METAP1D: variants seen among roughly 807,000 people sequenced by gnomAD.
METAP1D encodes methionyl aminopeptidase type 1D, mitochondrial.
A neutral mutation model predicts 40.5 loss-of-function variants in METAP1D; 31 were observed. The ratio of observed to expected loss-of-function variants is 0.77; its 90% CI spans 0.58 to 1.03. The LOEUF (loss-of-function observed/expected upper bound fraction) is 1.03. METAP1D is among the 50% of genes least tolerant of loss of function. METAP1D has a pLI of 0.00. For missense variants in METAP1D, 411 were observed against 420.7 expected (o/e 0.98, Z 0.20); for synonymous variants, 151 against 146.4 (o/e 1.03, Z -0.22).
intron 3 of METAP1D, 150 bp from the exon 4 acceptor site, chr2:172,065,454 C>G: frequency 3.9e-6 from 3 of 771,992 alleles, no homozygotes; most frequent in Non-Finnish European, 6.1e-6. Flanking sequence ...GATTCTAACA[C>G]TAATCATAAT....
Position 172,063,872 on chromosome 2 carries a change from C to G in METAP1D, c.348+12C>G, listed in dbSNP as rs371678313. ...GGAAGAGTTTAAAGGTGGCGTCTCA[C>G]CAAGCCTCAGAACGACTTACATAAG... is the stretch of plus-strand genomic sequence containing the variant. On this transcript the variant is annotated intron_variant, in intron 3 of 9. Coordinates refer to ENST00000315796, the MANE Select transcript of METAP1D (RefSeq NM_199227.3). 8 of 1,600,322 alleles carry G rather than the reference C, an allele frequency of 5.0e-6. No individual in the cohort carries two copies. The South Asian group carries it at 9.0e-5, about 18-fold the overall frequency.
chr2:172,054,136 G>A (rs1415578856), intron 1 of METAP1D, among the ~76,000 whole-genome samples: 1 of 152,144 alleles, frequency 6.6e-6, no homozygotes, highest in Admixed American at 6.6e-5. Context: ...TGTGGTATAG[G>A]ATGCATGAGC....
At chr2:172,014,449 C>T (rs1289486978) in intron 1 of METAP1D, among the ~76,000 whole-genome samples, 1 of 152,042 alleles carries the variant, frequency 6.6e-6, no homozygotes, top group African/African-American at 2.4e-5. Context: ...GAGATATATA[C>T]TTAGCATATT....
rs572250564 is a variant in METAP1D at position 172,020,490 on chromosome 2, G to A, written c.40+20481G>A. On this transcript the variant is annotated intron_variant, in intron 1 of 9. Transcript: ENST00000315796. ...AAATGTAGAGTAAGGTAGATAAGTA[G>A]AAATAAGATAAATACCCTTATTTCA... Among the ~76,000 whole-genome samples the A allele has an allele frequency of 2.6e-5, 4 of 152,292 alleles. No homozygotes were observed. In the East Asian group the frequency reaches 5.8e-4, roughly 22 times the overall value.
chr2:172,020,100 C>T (rs1688971131), intron 1 of METAP1D, among the ~76,000 whole-genome samples: 1 of 152,192 alleles, frequency 6.6e-6, no homozygotes, highest in African/African-American at 2.4e-5. Flanking sequence ...AATTTGCCTG[C>T]CTCAGCCTCC....
chr2:172,068,255 T>TGG (rs1018023429), intron 5 of METAP1D, among the ~76,000 whole-genome samples: 21 of 152,072 alleles, frequency 1.4e-4, no homozygotes, highest in African/African-American at 3.4e-4. Context: ...TAGCCCTGTG[T>TGG]GGGGGCAGGA....
intron 1 of METAP1D, among the ~76,000 whole-genome samples, chr2:172,027,610 A>AT (rs1291281773): frequency 1.1e-4 from 16 of 152,262 alleles, no homozygotes; most frequent in Non-Finnish European, 1.9e-4. Flanking sequence ...GTGTAAGGAT[A>AT]TGAGTGTGTA....
chr2:172,064,670 A>G (rs1690210467), intron 3 of METAP1D, among the ~76,000 whole-genome samples: 1 of 152,078 alleles, frequency 6.6e-6, no homozygotes, highest in Admixed American at 6.6e-5. Context: ...TTTCATAATA[A>G]TCTGAAGCAC....
chr2:172,044,750 T>C (rs1308343432), intron 1 of METAP1D, among the ~76,000 whole-genome samples: 1 of 130,720 alleles, frequency 7.6e-6, no homozygotes, highest in Non-Finnish European at 1.8e-5. Flanking sequence ...CTACTTAAAA[T>C]ACAAAATTAG....
intron 1 of METAP1D, among the ~76,000 whole-genome samples, chr2:172,060,375 C>G (rs973774377): frequency 1.3e-5 from 2 of 149,306 alleles, no homozygotes; most frequent in Non-Finnish European, 3.0e-5. Flanking sequence ...ATGATCGCAC[C>G]ACTGTTGCCT....
chr2:172,028,644 T>A (rs1042907401), intron 1 of METAP1D, among the ~76,000 whole-genome samples: 1 of 151,610 alleles, frequency 6.6e-6, no homozygotes. Context: ...TTGTTTTTCA[T>A]TTACCAATAA....
intron 1 of METAP1D, among the ~76,000 whole-genome samples, chr2:172,014,161 A>C (rs1443124776): frequency 2.7e-5 from 4 of 150,438 alleles, no homozygotes; most frequent in Non-Finnish European, 4.4e-5. Flanking sequence ...TCTGTCACCC[A>C]GGCTGGAGTG....
At chr2:172,039,478 C>A (rs1689464621) in intron 1 of METAP1D, among the ~76,000 whole-genome samples, 1 of 152,140 alleles carries the variant, frequency 6.6e-6, no homozygotes, top group Non-Finnish European at 1.5e-5. Flanking sequence ...CATCAAGAAG[C>A]ACTAGTCCCT....
rs1378379263 is a variant in METAP1D at position 172,063,867 on chromosome 2, T to G, written c.348+7T>G. The G allele has an allele frequency of 6.2e-7, 1 of 1,604,902 alleles. No individual in the cohort carries two copies. Among genetic ancestry groups the G allele is most frequent in the African/African-American group, 1.3e-5 (1 of 74,236 alleles). ...GGCTGGGAAGAGTTTAAAGGTGGCG[T>G]CTCACCAAGCCTCAGAACGACTTAC... On this transcript the variant is annotated splice_region_variant and intron_variant, in intron 3 of 9. Coordinates refer to ENST00000315796, the MANE Select transcript of METAP1D (RefSeq NM_199227.3).
intron 1 of METAP1D, among the ~76,000 whole-genome samples, chr2:172,005,070 A>T (rs1047153361): frequency 2.0e-5 from 3 of 151,676 alleles, no homozygotes; most frequent in African/African-American, 7.3e-5. Context: ...GCACACCACC[A>T]CACCCAGCTA....
chr2:172,067,085 A>G (rs1690302112), intron 5 of METAP1D, among the ~76,000 whole-genome samples: 1 of 152,190 alleles, frequency 6.6e-6, no homozygotes, highest in African/African-American at 2.4e-5. Flanking sequence ...GTGCTTTTAC[A>G]TTTCTGTTTA....
At chr2:172,037,798 T>C (rs1689430386) in intron 1 of METAP1D, among the ~76,000 whole-genome samples, 1 of 152,206 alleles carries the variant, frequency 6.6e-6, no homozygotes, top group Admixed American at 6.5e-5. Flanking sequence ...ATGTTTTGTC[T>C]CCGGGTGGCT....
At chr2:172,007,878 C>T (rs569779883) in intron 1 of METAP1D, among the ~76,000 whole-genome samples, 5 of 152,046 alleles carry the variant, frequency 3.3e-5, no homozygotes, top group South Asian at 4.2e-4. Context: ...TTAGTAGAGA[C>T]GGGGTTTCAC....
chr2:172,018,396 A>T (rs973520012), intron 1 of METAP1D, among the ~76,000 whole-genome samples: 3 of 152,180 alleles, frequency 2.0e-5, no homozygotes, highest in Admixed American at 1.3e-4. Flanking sequence ...CAGCAGAACC[A>T]AGAAAACATA....
Sources: gnomAD v4.1 joint callset for allele counts (sites outside exome capture counted in the v4.1 genomes callset) on GRCh38, gnomAD v4.1.1 for gene constraint, MANE v1.5 for transcripts, NCBI Gene and HGNC (gene_info 2026-07-23, HGNC 2026-07-21) for gene names.